KIF5C: variants seen among roughly 807,000 people sequenced by gnomAD.
The protein encoded by KIF5C is kinesin heavy chain isoform 5C.
Under a neutral mutation model 125.2 loss-of-function variants are expected in KIF5C, and 18 were observed. The observed-to-expected ratio is 0.14, with a 90% confidence interval of 0.10 to 0.21. KIF5C has a LOEUF of 0.21. Among genes scored for constraint, KIF5C ranks in the 10% least tolerant of loss-of-function variants. The probability of loss-of-function intolerance (pLI) is 1.00; values close to 1 mark genes in which losing one functional copy is unlikely to be tolerated. For synonymous variants in KIF5C, 405 were observed against 434.0 expected (o/e 0.93, Z 0.83); for missense variants, 780 against 1,183.8 (o/e 0.66, Z 5.01).
intron 24 of KIF5C, among the ~76,000 whole-genome samples, chr2:149,010,834 C>T (rs1276971657): frequency 1.3e-5 from 2 of 152,214 alleles, no homozygotes; most frequent in Admixed American, 1.3e-4. Context: ...GGTGTGGCTA[C>T]AGGCTGGCAC....
At position 148,947,551 on chromosome 2, in the gene KIF5C, A is replaced by C. The variant is rs1682548589; in HGVS notation, c.714+528A>C. ...CCATGTGGAAGGCCTTGGCTCTCTC[A>C]TGAAGTGTGGCCTGTAATCAGCCTC... is the stretch of plus-strand genomic sequence containing the variant. On this transcript the variant is annotated intron_variant, in intron 8 of 25. Coordinates refer to ENST00000435030, the MANE Select transcript of KIF5C (RefSeq NM_004522.3). 13 of 232,250 alleles carry C rather than the reference A, an allele frequency of 5.6e-5. No individual in the cohort carries two copies. In the South Asian group the frequency reaches 7.6e-4, roughly 14 times the overall value. The allele number at this position is 232,250 out of a possible 1,614,324, so 14.4% of individuals were successfully genotyped here.
chr2:148,899,702 CAAAAAAA>C (rs771196518), intron 1 of KIF5C, among the ~76,000 whole-genome samples: 21 of 46,082 alleles, frequency 4.6e-4, no homozygotes, highest in African/African-American at 1.2e-3. Context: ...AACTCCATCT[CAAAAAAA>C]AAAAAAAAAA....
chr2:148,957,056 A>G (rs1398864422), intron 10 of KIF5C, among the ~76,000 whole-genome samples: 1 of 152,244 alleles, frequency 6.6e-6, no homozygotes, highest in East Asian at 1.9e-4. Flanking sequence ...ATTGCTGTAT[A>G]TAGCTTCTGC....
intron 1 of KIF5C, among the ~76,000 whole-genome samples, chr2:148,902,177 AC>A (rs1680932437): frequency 6.6e-6 from 1 of 151,970 alleles, no homozygotes; most frequent in African/African-American, 2.4e-5. Context: ...TGCAACCAGC[AC>A]CTTTTGTGGT....
At chr2:148,907,860 G>A (rs1038519889) in intron 1 of KIF5C, among the ~76,000 whole-genome samples, 1 of 152,162 alleles carries the variant, frequency 6.6e-6, no homozygotes, top group Non-Finnish European at 1.5e-5. Context: ...GGACATACCC[G>A]GGACAGTCAA....
intron 25 of KIF5C, among the ~76,000 whole-genome samples, chr2:149,022,496 T>C (rs1188130896): frequency 1.3e-5 from 2 of 152,204 alleles, no homozygotes; most frequent in Non-Finnish European, 2.9e-5. Context: ...GTAGTAATAT[T>C]GTAATGTAAA....
In KIF5C at chr2:149,008,084, C is replaced by T. The variant is rs751507561; in HGVS notation, c.2550+17C>T. ...CACAAGCAGGTAGGAGAGTTCTGCCCGCTCCCCTCTGATTCCCTCCTCTCT... is the reference window on the plus strand; with the variant it reads ...CACAAGCAGGTAGGAGAGTTCTGCCTGCTCCCCTCTGATTCCCTCCTCTCT... On this transcript the variant is annotated intron_variant, in intron 23 of 25. Transcript: ENST00000435030. 4.9e-5 allele frequency: 78 copies of T among 1,599,758 alleles called. No homozygotes were observed. The highest frequency in any genetic ancestry group is 2.7e-4 in the South Asian group (24 of 88,796).
intron 3 of KIF5C, among the ~76,000 whole-genome samples, chr2:148,937,054 T>G (rs1469792157): frequency 6.6e-6 from 1 of 152,174 alleles, no homozygotes; most frequent in Non-Finnish European, 1.5e-5. Context: ...GCCTCAGAAC[T>G]TGGCAGAACA....
At chr2:148,942,024 T>C (rs779304805) in intron 6 of KIF5C, 34 bp downstream of exon 6, 1 of 1,605,340 alleles carries the variant, frequency 6.2e-7, no homozygotes, top group Non-Finnish European at 8.5e-7. Flanking sequence ...ATGCAATTAA[T>C]TTCTCTCCAG....
intron 1 of KIF5C, among the ~76,000 whole-genome samples, chr2:148,881,388 G>C (rs187033784): frequency 6.6e-5 from 10 of 151,978 alleles, no homozygotes; most frequent in African/African-American, 2.4e-4. Context: ...TTGTGTGTGC[G>C]TGTGCGTGTG....
chr2:148,934,590 C>T (rs118155110), intron 3 of KIF5C, among the ~76,000 whole-genome samples: 1 of 150,942 alleles, frequency 6.6e-6, no homozygotes, highest in East Asian at 2.0e-4. Flanking sequence ...ATACATCATA[C>T]AGACACAGAC....
intron 23 of KIF5C, among the ~76,000 whole-genome samples, chr2:149,008,763 C>T (rs1189840638): frequency 3.3e-5 from 5 of 152,210 alleles, no homozygotes; most frequent in Admixed American, 2.6e-4. Context: ...AGTTTTTAGA[C>T]CACATGGCCG....
chr2:148,994,286 G>T, intron 16 of KIF5C, 135 bp from the exon 17 acceptor site: 1 of 1,215,228 alleles, frequency 8.2e-7, no homozygotes, highest in Non-Finnish European at 1.1e-6. Flanking sequence ...GGGTAAAATG[G>T]GCACCATTTG....
At chr2:148,964,342 C>G (rs947018319) in intron 11 of KIF5C, among the ~76,000 whole-genome samples, 6 of 151,516 alleles carry the variant, frequency 4.0e-5, no homozygotes, top group Admixed American at 3.9e-4. Flanking sequence ...CCTACATGAG[C>G]CTTTAAGTTA....
At chr2:149,019,381 C>G (rs191610510) in intron 25 of KIF5C, among the ~76,000 whole-genome samples, 1 of 152,294 alleles carries the variant, frequency 6.6e-6, no homozygotes, top group East Asian at 1.9e-4. Context: ...GGGGACAGAC[C>G]TGAAAAGACA....
At chr2:148,940,537 A>AGAG (rs1682386080) in intron 4 of KIF5C, among the ~76,000 whole-genome samples, 1 of 152,180 alleles carries the variant, frequency 6.6e-6, no homozygotes, top group African/African-American at 2.4e-5. Flanking sequence ...GTGCTGGGTT[A>AGAG]GAGTCTTTGC....
chr2:148,878,455 G>A (rs888895399), intron 1 of KIF5C: 1 of 152,168 alleles, frequency 6.6e-6, no homozygotes, highest in Non-Finnish European at 1.5e-5. Flanking sequence ...GACTGTTGAT[G>A]GATATTTGGA....
At chr2:148,877,371 C>G (rs1681222908) in intron 1 of KIF5C, 1 of 152,406 alleles carries the variant, frequency 6.6e-6, no homozygotes, top group Non-Finnish European at 1.5e-5. Context: ...GGGGTTTTCT[C>G]TCTGTTTAGT....
At chr2:148,888,491 G>T (rs1321066951) in intron 1 of KIF5C, 1 of 152,054 alleles carries the variant, frequency 6.6e-6, no homozygotes, top group Non-Finnish European at 1.5e-5. Context: ...TCGCTCACAG[G>T]TGCCTCTTTT....
Sources: gnomAD v4.1 joint callset for allele counts (sites outside exome capture counted in the v4.1 genomes callset) on GRCh38, gnomAD v4.1.1 for gene constraint, MANE v1.5 for transcripts, NCBI Gene and HGNC (gene_info 2026-07-23, HGNC 2026-07-21) for gene names.